Variants in DGLUCY observed in about 807,000 individuals in gnomAD.
DGLUCY encodes the protein D-glutamate cyclase.
Under a neutral mutation model 58.5 loss-of-function variants are expected in DGLUCY, and 58 were observed. That is an observed-to-expected ratio of 0.99 (90% confidence interval 0.80 to 1.23). The LOEUF (loss-of-function observed/expected upper bound fraction) is 1.23. Ranked by LOEUF, DGLUCY falls within the 50% of genes most tolerant of loss-of-function variation. The probability of loss-of-function intolerance (pLI) is 0.00; values close to 1 mark genes in which losing one functional copy is unlikely to be tolerated. For synonymous variants in DGLUCY, 325 were observed against 314.1 expected (o/e 1.03, Z -0.37); for missense variants, 779 against 784.7 (o/e 0.99, Z 0.09).
upstream of DGLUCY, among the ~76,000 whole-genome samples, chr14:91,104,020 T>C (rs2044539351): frequency 6.6e-6 from 1 of 150,378 alleles, no homozygotes; most frequent in African/African-American, 2.4e-5. Flanking sequence ...CCTAGGATGA[T>C]TTTGTACCTG....
chr14:91,115,602 T>C (rs947119467), intron 1 of DGLUCY, among the ~76,000 whole-genome samples: 2 of 152,160 alleles, frequency 1.3e-5, no homozygotes, highest in African/African-American at 4.8e-5. Context: ...TTTTGTAGTT[T>C]TAGCAGAGAC....
At chr14:91,210,165 G>C (rs934378966) in intron 12 of DGLUCY, among the ~76,000 whole-genome samples, 7 of 152,176 alleles carry the variant, frequency 4.6e-5, no homozygotes, top group Non-Finnish European at 8.8e-5. Context: ...AGCTGTTCAG[G>C]AGGCTGAGGT....
rs200556528 is a variant in DGLUCY at position 91,224,821 on chromosome 14, G to T, written c.1854G>T (p.Thr618=). 192 of 1,612,022 alleles carry T rather than the reference G, an allele frequency of 1.2e-4. 1 individual carries two copies. Among genetic ancestry groups the T allele is most frequent in the Middle Eastern group, 6.7e-4 (4 of 5,996 alleles). ...EMIQKLVDVT[T]AQV Reference sequence around the variant, plus strand: ...TCCAGAAGCTGGTGGACGTCACCACGGCACAGGTGTAACCGTCCATGTTCC... The same window carrying T: ...TCCAGAAGCTGGTGGACGTCACCACTGCACAGGTGTAACCGTCCATGTTCC... Residue 618 remains threonine (T), a synonymous_variant, in exon 14 of 14, where the codon ACG becomes ACT. Transcript: ENST00000256324.
At chr14:91,142,513 A>C (rs112110768) in intron 1 of DGLUCY, among the ~76,000 whole-genome samples, 1 of 152,026 alleles carries the variant, frequency 6.6e-6, no homozygotes, top group Non-Finnish European at 1.5e-5. Flanking sequence ...AGATGCAAAG[A>C]TTTCTTATCT....
At position 91,090,233 on chromosome 14, in the gene DGLUCY, C is replaced by T. The variant is rs10143322; in HGVS notation, c.-82+29529C>T. ...TTACATCAGGTTCTTATGGGGGAAC[C>T]CCCACAGATGAGGAAGTAAACTGGC... On this transcript the variant is annotated intron_variant, in intron 1 of 4. Transcript: ENST00000521334. Among the ~76,000 whole-genome samples the T allele has an allele frequency of 2.0e-5, 3 of 151,868 alleles. No homozygotes were observed. The East Asian group carries it at 5.8e-4, about 29-fold the overall frequency.
intron 8 of DGLUCY, among the ~76,000 whole-genome samples, chr14:91,185,271 A>AGTTTTT (rs2049436457): frequency 5.2e-5 from 2 of 38,344 alleles, no homozygotes; most frequent in Non-Finnish European, 9.3e-5. Context: ...GCCCAGCCGG[A>AGTTTTT]TTTTTTTTTT....
At chr14:91,073,756 G>T (rs558979216) in intron 1 of DGLUCY, among the ~76,000 whole-genome samples, 2 of 152,168 alleles carry the variant, frequency 1.3e-5, no homozygotes, top group South Asian at 4.1e-4. Flanking sequence ...AGGAAACAAG[G>T]ACCTCAGCCC....
intron 1 of DGLUCY, among the ~76,000 whole-genome samples, chr14:91,101,163 G>A (rs559606575): frequency 1.3e-5 from 2 of 152,236 alleles, no homozygotes; most frequent in African/African-American, 4.8e-5. Context: ...AAAGATATTT[G>A]ATAGATCAGT....
chr14:91,209,662 C>G (rs761948233), intron 12 of DGLUCY, among the ~76,000 whole-genome samples: 3 of 151,072 alleles, frequency 2.0e-5, no homozygotes, highest in Non-Finnish European at 3.0e-5. Context: ...GAGCCAAGAT[C>G]ACGCCACTGC....
At chr14:91,130,765 T>C (rs2045983478) in intron 1 of DGLUCY, among the ~76,000 whole-genome samples, 1 of 151,894 alleles carries the variant, frequency 6.6e-6, no homozygotes, top group South Asian at 2.1e-4. Context: ...ACCACAGATG[T>C]GCACCACCAC....
At chr14:91,190,900 C>T (rs544643354) in intron 9 of DGLUCY, among the ~76,000 whole-genome samples, 12 of 152,082 alleles carry the variant, frequency 7.9e-5, no homozygotes, top group African/African-American at 2.2e-4. Flanking sequence ...AGGGTGGAAA[C>T]GGGAGACTGG....
At chr14:91,141,306 G>A (rs2046654718) in intron 1 of DGLUCY, among the ~76,000 whole-genome samples, 1 of 151,082 alleles carries the variant, frequency 6.6e-6, no homozygotes. Flanking sequence ...CTGGGAGGCA[G>A]AGGTTGCAGT....
At chr14:91,117,005 A>G (rs1230969814) in intron 1 of DGLUCY, among the ~76,000 whole-genome samples, 7 of 151,650 alleles carry the variant, frequency 4.6e-5, no homozygotes, top group Non-Finnish European at 1.5e-5. Flanking sequence ...TCGACTGAGT[A>G]TACTTAACGG....
chr14:91,173,430 G>C lies in DGLUCY; in HGVS notation c.598G>C (p.Gly200Arg). The C allele has an allele frequency of 6.2e-7, 1 of 1,603,454 alleles. No individual in the cohort carries two copies. The highest frequency in any genetic ancestry group is 1.1e-5 in the South Asian group (1 of 89,418). ...TGAGCAGGGGCAACCTGTTCACATGGGCGACCCAGGTCAGTGTCTCTCGCT... is the reference window on the plus strand; with the variant it reads ...TGAGCAGGGGCAACCTGTTCACATGCGCGACCCAGGTCAGTGTCTCTCGCT... ...GGEQGQPVHM[G>R]DPELLGIKEL... is the part of the protein sequence containing the mutation. Residue 200 changes from glycine to arginine, a missense_variant, in exon 6 of 14, where the codon GGC becomes CGC. Physicochemically the swap from Gly to Arg is moderately radical, Grantham distance 125 (BLOSUM62 -2). Transcript: ENST00000256324.
chr14:91,073,213 G>A (rs1053561450), intron 1 of DGLUCY, among the ~76,000 whole-genome samples: 9 of 152,164 alleles, frequency 5.9e-5, no homozygotes, highest in Non-Finnish European at 1.0e-4. Flanking sequence ...GGCTGAGGCG[G>A]ATGGATTGCC....
chr14:91,193,588 C>G (rs7140472), intron 9 of DGLUCY, among the ~76,000 whole-genome samples: 30,743 of 152,088 alleles, frequency 0.2, 4,048 homozygotes, highest in African/African-American at 0.36. Context: ...CCCCTGTAAT[C>G]CCAGCACTTT....
In DGLUCY at chr14:91,167,363, C is replaced by T; in HGVS notation, c.242C>T (p.Ala81Val). The change falls in exon 4 of 14, where the codon GCT becomes GTT. Residue 81 changes from alanine (A) to valine (V), a missense_variant. Ala to Val is a moderately conservative substitution (Grantham distance 64). Coordinates refer to ENST00000256324, the MANE Select transcript of DGLUCY (RefSeq NM_001102368.3). ...PEKWMLPPQGAISETRMGHPQ... is the reference protein window; with the variant it reads ...PEKWMLPPQGVISETRMGHPQ... ...AAGTGGATGCTGCCCCCTCAAGGTG[C>T]TATCTCAGAGACCAGGTAAAAAGCT... The T allele has an allele frequency of 6.2e-7, 1 of 1,614,160 alleles. No homozygotes were observed. The highest frequency in any genetic ancestry group is 8.5e-7 in the Non-Finnish European group (1 of 1,180,032).
chr14:91,077,277 G>A (rs969895442), intron 1 of DGLUCY, among the ~76,000 whole-genome samples: 1 of 150,470 alleles, frequency 6.6e-6, no homozygotes, highest in Non-Finnish European at 1.5e-5. Flanking sequence ...GAGAGAGAGA[G>A]AGAGAGAAAC....
intron 1 of DGLUCY, among the ~76,000 whole-genome samples, chr14:91,083,207 G>T (rs2044155931): frequency 6.6e-6 from 1 of 152,174 alleles, no homozygotes; most frequent in Non-Finnish European, 1.5e-5. Context: ...CGGAGGTAGT[G>T]GTCTGCCTCC....
Sources: gnomAD v4.1 joint callset for allele counts (sites outside exome capture counted in the v4.1 genomes callset) on GRCh38, gnomAD v4.1.1 for gene constraint, MANE v1.5 for transcripts, NCBI Gene and HGNC (gene_info 2026-07-23, HGNC 2026-07-21) for gene names.